The following ARFGEF1 variants were observed in gnomAD, a reference collection of about 807,000 sequenced individuals.
ARFGEF1 encodes the protein brefeldin A-inhibited guanine nucleotide-exchange protein 1.
In ARFGEF1, 42 loss-of-function variants were observed where a neutral mutation model predicts 231.0. That is an observed-to-expected ratio of 0.18 (90% CI 0.14 to 0.24). The LOEUF is 0.24. Ranked by LOEUF, ARFGEF1 falls within the 10% of genes least tolerant of loss-of-function variation. The probability of loss-of-function intolerance (pLI) is 1.00; values close to 1 mark genes in which losing one functional copy is unlikely to be tolerated. For missense variants in ARFGEF1, 1,345 were observed against 2,192.0 expected (o/e 0.61, Z 7.72); for synonymous variants, 710 against 732.3 (o/e 0.97, Z 0.49).
intron 33 of ARFGEF1, among the ~76,000 whole-genome samples, chr8:67,213,623 T>C (rs1335635638): frequency 6.6e-6 from 1 of 152,260 alleles, no homozygotes; most frequent in Non-Finnish European, 1.5e-5. Flanking sequence ...TTAAACACTA[T>C]TCCAGGTGTT....
intron 5 of ARFGEF1, among the ~76,000 whole-genome samples, chr8:67,181,506 T>A (rs987972739): frequency 6.6e-6 from 1 of 152,006 alleles, no homozygotes; most frequent in African/African-American, 2.4e-5. Context: ...CTCAAGATGG[T>A]GTGTTGGAGT....
chr8:67,255,697 G>A (rs1372923718), intron 17 of ARFGEF1, among the ~76,000 whole-genome samples: 1 of 152,218 alleles, frequency 6.6e-6, no homozygotes, highest in Admixed American at 6.5e-5. Flanking sequence ...AAACTCACAA[G>A]CTGTTCTACA....
downstream of ARFGEF1, among the ~76,000 whole-genome samples, chr8:67,194,992 A>AAAG (rs1467612403): frequency 6.6e-6 from 1 of 152,184 alleles, no homozygotes; most frequent in Non-Finnish European, 1.5e-5. Context: ...AATAAAAAGA[A>AAAG]AAAAGAAAGA....
chr8:67,315,772 C>T (rs1807283962), intron 1 of ARFGEF1, among the ~76,000 whole-genome samples: 1 of 151,888 alleles, frequency 6.6e-6, no homozygotes, highest in Non-Finnish European at 1.5e-5. Context: ...TTAAAAAATA[C>T]ATGGAACTCA....
intron 7 of ARFGEF1, among the ~76,000 whole-genome samples, chr8:67,282,095 T>C (rs182089249): frequency 6.6e-6 from 1 of 152,176 alleles, no homozygotes; most frequent in African/African-American, 2.4e-5. Context: ...ATACATTTAA[T>C]AGATATTTTA....
At chr8:67,179,239 A>C (rs190020146) in intron 5 of ARFGEF1, among the ~76,000 whole-genome samples, 125 of 152,178 alleles carry the variant, frequency 8.2e-4, no homozygotes, top group Middle Eastern at 6.8e-3. Context: ...AATAAGCCCA[A>C]TCTTAGCATT....
At chr8:67,296,370 T>G (rs1402186074) in intron 5 of ARFGEF1, 61 bp downstream of exon 5, 8 of 1,461,944 alleles carry the variant, frequency 5.5e-6, no homozygotes, top group Middle Eastern at 1.8e-4. Context: ...TACTGTAAAC[T>G]CCTTTCTATG....
At position 67,343,559 on chromosome 8, in the gene ARFGEF1, CG is replaced by C. The variant is rs1808762979; in HGVS notation, c.-273del. 1 of 1,123,448 alleles carries C rather than the reference CG, an allele frequency of 8.9e-7. No homozygotes were observed. Among genetic ancestry groups the C allele is most frequent in the African/African-American group, 1.6e-5 (1 of 60,930 alleles). The allele number at this position is 1,123,448 out of a possible 1,614,324, so 69.6% of individuals were successfully genotyped here. A position where few individuals can be genotyped will look rare whatever the true frequency, so the allele number is the denominator to read the frequency against. ...TCCGCTTCTCCCGGCCCGGGGGTCG[CG>C]TCCCGGCCGCCCCTCTCACTCGTCC... On this transcript the variant is annotated 5_prime_UTR_variant, in exon 1 of 39. Transcript: ENST00000262215.
At chr8:67,215,974 C>T (rs182283728) in intron 33 of ARFGEF1, among the ~76,000 whole-genome samples, 117 of 152,266 alleles carry the variant, frequency 7.7e-4, no homozygotes, top group African/African-American at 2.7e-3. Context: ...GAGACAGCTA[C>T]GTAATCTGGT....
chr8:67,322,690 G>C (rs1807652777), intron 1 of ARFGEF1, among the ~76,000 whole-genome samples: 2 of 152,170 alleles, frequency 1.3e-5, no homozygotes, highest in Admixed American at 1.3e-4. Context: ...GGGCAACAAA[G>C]TGAGACCGTC....
intron 1 of ARFGEF1, among the ~76,000 whole-genome samples, chr8:67,331,289 A>T (rs1405637765): frequency 6.6e-6 from 1 of 152,198 alleles, no homozygotes; most frequent in Non-Finnish European, 1.5e-5. Flanking sequence ...GTCCTCCCAA[A>T]AAAATCACAT....
intron 3 of ARFGEF1, among the ~76,000 whole-genome samples, 188 bp downstream of exon 3, chr8:67,301,036 G>C (rs1249116050): frequency 3.3e-5 from 5 of 152,076 alleles, no homozygotes; most frequent in African/African-American, 1.2e-4. Flanking sequence ...ATGATTGTTA[G>C]TATTAAACTA....
intron 5 of ARFGEF1, among the ~76,000 whole-genome samples, chr8:67,187,015 A>ATCTATCTAATCT (rs1554622825): frequency 1.2e-3 from 166 of 143,084 alleles, no homozygotes; most frequent in African/African-American, 3.8e-3. Flanking sequence ...CTATCTATCT[A>ATCTATCTAATCT]ATCTATCTAT....
intron 1 of ARFGEF1, among the ~76,000 whole-genome samples, chr8:67,322,424 T>A (rs1317724989): frequency 2.0e-5 from 3 of 152,216 alleles, no homozygotes; most frequent in African/African-American, 4.8e-5. Context: ...CAGCCAGGCA[T>A]GTTGGCTCAT....
At chr8:67,203,448 A>G (rs1478386233) in intron 35 of ARFGEF1, among the ~76,000 whole-genome samples, 197 bp from the exon 36 acceptor site, 1 of 151,774 alleles carries the variant, frequency 6.6e-6, no homozygotes, top group Non-Finnish European at 1.5e-5. Flanking sequence ...ATTAGTCCAG[A>G]CCCTCCTGGA....
intron 19 of ARFGEF1, among the ~76,000 whole-genome samples, chr8:67,248,047 G>T (rs933515932): frequency 6.7e-6 from 1 of 149,934 alleles, no homozygotes; most frequent in African/African-American, 2.5e-5. Context: ...TATGTTTATG[G>T]ATTAGAAGAA....
intron 1 of ARFGEF1, among the ~76,000 whole-genome samples, chr8:67,310,882 G>A (rs1806985194): frequency 1.3e-5 from 2 of 151,890 alleles, no homozygotes; most frequent in Non-Finnish European, 2.9e-5. Flanking sequence ...TCTGAGAAGT[G>A]AGGAGCCTCT....
rs938655907 is a variant in ARFGEF1, at chr8:67,343,400, G to A, written c.-113C>T. The A allele has an allele frequency of 4.4e-5, 31 of 703,726 alleles. No homozygotes were observed. Among genetic ancestry groups the A allele is most frequent in the Non-Finnish European group, 6.3e-5 (29 of 459,402 alleles). The allele number at this position is 703,726 out of a possible 1,614,324, so 43.6% of individuals were successfully genotyped here. On this transcript the variant is annotated 5_prime_UTR_variant, in exon 1 of 39. Transcript: ENST00000262215. ...GAAAGGAGAGGGGGTGGAGGTGGGG[G>A]ATTGGAGGCGTGGAGGGCAGCGGCA...
chr8:67,326,415 C>A (rs1414542174), intron 1 of ARFGEF1, among the ~76,000 whole-genome samples: 4 of 152,138 alleles, frequency 2.6e-5, no homozygotes, highest in Admixed American at 6.6e-5. Context: ...ATTAAAACAA[C>A]CTATACTCTT....
Sources: gnomAD v4.1 joint callset for allele counts (sites outside exome capture counted in the v4.1 genomes callset) on GRCh38, gnomAD v4.1.1 for gene constraint, MANE v1.5 for transcripts, NCBI Gene and HGNC (gene_info 2026-07-23, HGNC 2026-07-21) for gene names.